SND1: variants seen among roughly 807,000 people sequenced by gnomAD.
The protein encoded by SND1 is staphylococcal nuclease and tudor domain containing 1.
In SND1, 38 loss-of-function variants were observed where a neutral mutation model predicts 121.7. The ratio of observed to expected loss-of-function variants is 0.31; its 90% CI spans 0.24 to 0.41. SND1 has a LOEUF of 0.41. SND1 is among the 10% of genes least tolerant of loss of function. The probability of loss-of-function intolerance (pLI) is 1.00; values close to 1 mark genes in which losing one functional copy is unlikely to be tolerated. For missense variants in SND1, 868 were observed against 1,184.6 expected (o/e 0.73, Z 3.92); for synonymous variants, 401 against 447.4 (o/e 0.90, Z 1.31).
rs191198886 is a variant in SND1 at position 127,789,343 on chromosome 7, G to A, written c.1153-18141G>A. Among the ~76,000 whole-genome samples the A allele has an allele frequency of 9.9e-4, 151 of 152,250 alleles. 1 individual carries two copies. Among genetic ancestry groups the A allele is most frequent in the East Asian group, 3.9e-4 (2 of 5,190 alleles). ...CATAACCCTTAGTTACACTCAAATCGATTGCCAAACCTTTTTAAAAAATTC... is the reference window on the plus strand; with the variant it reads ...CATAACCCTTAGTTACACTCAAATCAATTGCCAAACCTTTTTAAAAAATTC... On this transcript the variant is annotated intron_variant, in intron 10 of 23. Coordinates refer to ENST00000354725, the MANE Select transcript of SND1 (RefSeq NM_014390.4).
intron 10 of SND1, among the ~76,000 whole-genome samples, chr7:127,737,312 T>C (rs917696837): frequency 1.3e-5 from 2 of 152,106 alleles, no homozygotes; most frequent in African/African-American, 4.8e-5. Context: ...TGGTGGCTCA[T>C]GCTTGTAATC....
rs1402296377 is a variant in SND1 at position 128,015,549 on chromosome 7, A to C, written c.1779+24493A>C. On this transcript the variant is annotated intron_variant, in intron 16 of 23. Coordinates refer to ENST00000354725, the MANE Select transcript of SND1 (RefSeq NM_014390.4). The surrounding 1 kb of genome is among the most constrained non-coding windows in gnomAD (Gnocchi z 4.5). Reference sequence around the variant, plus strand: ...AGACTTTGGCAACTTCTCAAAGTACAATGCTCAGTTTTTCAGTCTGGTTCA... The same window carrying C: ...AGACTTTGGCAACTTCTCAAAGTACCATGCTCAGTTTTTCAGTCTGGTTCA... Among the ~76,000 whole-genome samples, 1 of 152,206 alleles carries C rather than the reference A, an allele frequency of 6.6e-6. No homozygotes were observed. The highest frequency in any genetic ancestry group is 1.5e-5 in the Non-Finnish European group (1 of 68,034).
chr7:127,767,772 T>A (rs1458056681), intron 10 of SND1, among the ~76,000 whole-genome samples: 1 of 152,222 alleles, frequency 6.6e-6, no homozygotes, highest in Non-Finnish European at 1.5e-5. Flanking sequence ...AAAGAATCAA[T>A]GGAGCAAATG....
chr7:127,863,909 C>T (rs1799422578), intron 12 of SND1, among the ~76,000 whole-genome samples: 2 of 152,028 alleles, frequency 1.3e-5, no homozygotes, highest in African/African-American at 4.8e-5. Flanking sequence ...CTGCCCCTGT[C>T]CTAGGTTATG....
intron 15 of SND1, among the ~76,000 whole-genome samples, chr7:127,959,200 C>A (rs192034396): frequency 6.6e-6 from 1 of 152,148 alleles, no homozygotes. Flanking sequence ...TGTGAGGAAA[C>A]GGGATAAACA....
Position 127,767,801 on chromosome 7 carries a change from A to G in SND1, c.1153-39683A>G, listed in dbSNP as rs546330941. Among the ~76,000 whole-genome samples the G allele has an allele frequency of 1.3e-4, 20 of 152,334 alleles. No homozygotes were observed. The South Asian group carries it at 3.5e-3, about 27-fold the overall frequency. On this transcript the variant is annotated intron_variant, in intron 10 of 23. Coordinates refer to ENST00000354725, the MANE Select transcript of SND1 (RefSeq NM_014390.4). ...GCAAATGTTTATTTCCTTAAATTCTATAATCTTATATAGATACATCTTACC... is the reference window on the plus strand; with the variant it reads ...GCAAATGTTTATTTCCTTAAATTCTGTAATCTTATATAGATACATCTTACC...
Position 127,889,203 on chromosome 7 carries a change from A to G in SND1, c.1454+1191A>G, listed in dbSNP as rs554505058. ...GGTTTTTTAAAGCTCATTAATGGTC[A>G]TTTAAAATACGTAGTTCGTGATTGG... is the stretch of plus-strand genomic sequence containing the variant. On this transcript the variant is annotated intron_variant, in intron 13 of 23. Coordinates refer to ENST00000354725, the MANE Select transcript of SND1 (RefSeq NM_014390.4). 1.9e-3 allele frequency among the ~76,000 whole-genome samples: 286 copies of G among 152,180 alleles called. 1 individual carries two copies. Among genetic ancestry groups the G allele is most frequent in the Admixed American group, 7.5e-3 (115 of 15,278 alleles).
intron 10 of SND1, among the ~76,000 whole-genome samples, chr7:127,747,258 G>A (rs1307023817): frequency 3.3e-5 from 5 of 152,276 alleles, no homozygotes; most frequent in Middle Eastern, 3.4e-3. Context: ...TAAATGAATT[G>A]TCAAAGGCCC....
At chr7:127,772,695 A>G (rs1797536089) in intron 10 of SND1, among the ~76,000 whole-genome samples, 1 of 40,966 alleles carries the variant, frequency 2.4e-5, no homozygotes, top group Admixed American at 3.5e-4. Context: ...ATTATGAAAC[A>G]TGTAATTTTT....
intron 14 of SND1, among the ~76,000 whole-genome samples, chr7:127,908,262 G>A (rs1049221994): frequency 6.7e-6 from 1 of 150,290 alleles, no homozygotes; most frequent in East Asian, 2.0e-4. Context: ...AGACCAACTT[G>A]GTCTTGTAGT....
intron 13 of SND1, among the ~76,000 whole-genome samples, chr7:127,893,079 G>A (rs910875867): frequency 2.0e-5 from 3 of 152,032 alleles, no homozygotes; most frequent in East Asian, 1.9e-4. Context: ...GGAATATTCC[G>A]TATATCCTTC....
At chr7:128,034,840 A>G (rs781323473) in intron 16 of SND1, among the ~76,000 whole-genome samples, 72 of 152,332 alleles carry the variant, frequency 4.7e-4, no homozygotes, top group Non-Finnish European at 8.7e-4. Flanking sequence ...TTCTGAGCTG[A>G]AAGTGGGATT....
chr7:127,778,110 C>T (rs1466873559), intron 10 of SND1, among the ~76,000 whole-genome samples: 1 of 152,146 alleles, frequency 6.6e-6, no homozygotes, highest in African/African-American at 2.4e-5. Flanking sequence ...CCTTACCTTC[C>T]ATCTAGAGTT....
intron 2 of SND1, among the ~76,000 whole-genome samples, chr7:127,689,437 A>C (rs1587597596): frequency 6.6e-6 from 1 of 152,348 alleles, no homozygotes; most frequent in Middle Eastern, 3.4e-3. Flanking sequence ...AGGAAGAACT[A>C]GTGTAGCCTC....
chr7:127,929,126 TAAAG>T (rs1800909156), intron 14 of SND1, 58 bp from the exon 15 acceptor site: 1 of 1,565,778 alleles, frequency 6.4e-7, no homozygotes, highest in Admixed American at 1.7e-5. Flanking sequence ...TCCTAGACTA[TAAAG>T]AAAGAAACGT....
At chr7:127,893,811 C>T (rs1488680573) in intron 13 of SND1, among the ~76,000 whole-genome samples, 2 of 152,076 alleles carry the variant, frequency 1.3e-5, no homozygotes, top group African/African-American at 4.8e-5. Flanking sequence ...ATCTCAGCAT[C>T]GCCTTGGCTA....
intron 15 of SND1, among the ~76,000 whole-genome samples, chr7:127,968,683 C>T (rs902597074): frequency 6.6e-6 from 1 of 152,200 alleles, no homozygotes; most frequent in African/African-American, 2.4e-5. Context: ...GAGGAAAGAG[C>T]ACACAGGATG....
At chr7:128,033,137 C>T (rs1459785363) in intron 16 of SND1, among the ~76,000 whole-genome samples, 1 of 152,226 alleles carries the variant, frequency 6.6e-6, no homozygotes, top group Non-Finnish European at 1.5e-5. Context: ...GGCTAGGACT[C>T]TGAGAAGAAC....
At chr7:127,831,908 C>T (rs1372676544) in intron 11 of SND1, among the ~76,000 whole-genome samples, 1 of 80,950 alleles carries the variant, frequency 1.2e-5, no homozygotes, top group Non-Finnish European at 3.5e-5. Context: ...TATAATTGCA[C>T]CTTTGAAGAT....
Sources: gnomAD v4.1 joint callset for allele counts (sites outside exome capture counted in the v4.1 genomes callset) on GRCh38, gnomAD v4.1.1 for gene constraint, Gnocchi (gnomAD v3.1) non-coding constraint, MANE v1.5 for transcripts, NCBI Gene and HGNC (gene_info 2026-07-23, HGNC 2026-07-21) for gene names.